The following AGMO variants were observed in gnomAD, a reference collection of about 807,000 sequenced individuals.
The protein encoded by AGMO is alkylglycerol monooxygenase, also known as glyceryl-ether monooxygenase.
AGMO carries 75 observed loss-of-function variants against 60.2 expected under a neutral mutation model. The observed-to-expected ratio is 1.25, with a 90% CI of 1.03 to 1.51. The LOEUF (loss-of-function observed/expected upper bound fraction) is 1.51. AGMO is among the 40% of genes most tolerant of loss of function. The pLI, the probability that AGMO is intolerant of heterozygous loss-of-function variation, is 0.00. For synonymous variants in AGMO, 261 were observed against 177.1 expected (o/e 1.47, Z -3.76); for missense variants, 763 against 525.5 (o/e 1.45, Z -4.42).
At chr7:15,195,847 T>C (rs550416894), downstream of AGMO, among the ~76,000 whole-genome samples, 3 of 152,342 alleles carry the variant, frequency 2.0e-5, no homozygotes, top group African/African-American at 7.2e-5. Context: ...CCATTATTAA[T>C]AATCTTCCAT....
At chr7:15,526,776 G>A (rs1163904946) in intron 3 of AGMO, among the ~76,000 whole-genome samples, 3 of 152,156 alleles carry the variant, frequency 2.0e-5, no homozygotes, top group African/African-American at 7.2e-5. Context: ...GCAACCTTGT[G>A]TCTAGCAATT....
intron 4 of AGMO, among the ~76,000 whole-genome samples, chr7:15,430,211 G>A (rs988604253): frequency 1.4e-4 from 21 of 151,894 alleles, no homozygotes; most frequent in African/African-American, 5.1e-4. Flanking sequence ...TTTGAACCAC[G>A]GAAATGTTTG....
chr7:15,185,528 G>A, the AGMO span, among the ~76,000 whole-genome samples: 1 of 152,288 alleles, frequency 6.6e-6, no homozygotes, highest in Non-Finnish European at 1.5e-5. Flanking sequence ...TATGGCCCTA[G>A]GATAAGTGGT....
Position 15,413,478 on chromosome 7 carries a change from A to G in AGMO, c.609+5080T>C, listed in dbSNP as rs573064723. Among the ~76,000 whole-genome samples, 8 of 152,334 alleles carry G rather than the reference A, an allele frequency of 5.3e-5. No homozygotes were observed. The South Asian group carries it at 1.7e-3, about 32-fold the overall frequency. The stretch of plus-strand genomic sequence containing the variant: ...TTTGATTTTCAAAGCACATACTTGT[A>G]AGCCCCAGATTAATGTTTTTTAAAT... On this transcript the variant is annotated intron_variant, in intron 5 of 12. Transcript: ENST00000342526.
chr7:15,322,601 T>A (rs1352170004), intron 12 of AGMO, among the ~76,000 whole-genome samples: 1 of 57,378 alleles, frequency 1.7e-5, no homozygotes, highest in African/African-American at 9.9e-5. Context: ...TAAATATATA[T>A]AAATATATAT....
intron 2 of AGMO, among the ~76,000 whole-genome samples, chr7:15,555,800 C>T (rs923453982): frequency 3.3e-5 from 5 of 151,838 alleles, no homozygotes; most frequent in African/African-American, 7.3e-5. Context: ...TCTGAAGTTA[C>T]GCAATTAATA....
At chr7:15,345,251 T>A (rs192709162) in intron 12 of AGMO, among the ~76,000 whole-genome samples, 1 of 152,328 alleles carries the variant, frequency 6.6e-6, no homozygotes, top group Non-Finnish European at 1.5e-5. Flanking sequence ...TTTCTAGTTT[T>A]TTTCTCTTGC....
At chr7:15,294,747 T>G (rs1049175580) in intron 12 of AGMO, among the ~76,000 whole-genome samples, 2 of 151,964 alleles carry the variant, frequency 1.3e-5, no homozygotes, top group African/African-American at 4.8e-5. Context: ...TATTAAAATA[T>G]TCTAAAGTGT....
intron 12 of AGMO, among the ~76,000 whole-genome samples, chr7:15,220,466 C>T (rs1744160104): frequency 6.6e-6 from 1 of 151,678 alleles, no homozygotes; most frequent in Non-Finnish European, 1.5e-5. Flanking sequence ...AATCCGCCCA[C>T]CTCGGCCTCC....
At chr7:15,299,303 G>A (rs1228702821) in intron 12 of AGMO, among the ~76,000 whole-genome samples, 2 of 151,956 alleles carry the variant, frequency 1.3e-5, no homozygotes, top group Non-Finnish European at 2.9e-5. Flanking sequence ...AAATATTTAG[G>A]TCTTTTTCTC....
chr7:15,337,743 C>A (rs1199391889), intron 12 of AGMO, among the ~76,000 whole-genome samples: 1 of 152,192 alleles, frequency 6.6e-6, no homozygotes. Context: ...AGTCTTTGTC[C>A]ACCTGCTTCT....
chr7:15,423,950 T>C (rs4499985), intron 4 of AGMO, among the ~76,000 whole-genome samples: 110,089 of 152,068 alleles, frequency 0.72, 40,509 homozygotes, highest in Middle Eastern at 0.82. Context: ...TACAGCAGCC[T>C]CAGGAAATTA....
chr7:15,348,324 A>G (rs992897314), intron 12 of AGMO, among the ~76,000 whole-genome samples: 1 of 152,082 alleles, frequency 6.6e-6, no homozygotes, highest in Non-Finnish European at 1.5e-5. Flanking sequence ...CATACTACTT[A>G]AAATGATCCT....
At chr7:15,279,067 A>T (rs1783885334) in intron 12 of AGMO, among the ~76,000 whole-genome samples, 1 of 151,980 alleles carries the variant, frequency 6.6e-6, no homozygotes, top group South Asian at 2.1e-4. Context: ...GGGAACAAAA[A>T]CCTGTGAGAT....
At chr7:15,194,464 T>G in the AGMO span, among the ~76,000 whole-genome samples, 1 of 152,204 alleles carries the variant, frequency 6.6e-6, no homozygotes, top group Non-Finnish European at 1.5e-5. Context: ...ATATGCCCTC[T>G]GCAGTTGCAT....
intron 5 of AGMO, 24 bp from the exon 6 acceptor site, chr7:15,394,203 T>C: frequency 6.7e-7 from 1 of 1,488,748 alleles, no homozygotes; most frequent in East Asian, 2.3e-5. Context: ...AAGGAATATT[T>C]ATACATGTAG....
rs560240331 is a variant in AGMO, at chr7:15,389,085, C to T, written c.823-1545G>A. 9.2e-5 allele frequency among the ~76,000 whole-genome samples: 14 copies of T among 152,232 alleles called. No homozygotes were observed. In the South Asian group the frequency reaches 2.1e-3, roughly 23 times the overall value. On this transcript the variant is annotated intron_variant, in intron 8 of 12. Coordinates refer to ENST00000342526, the MANE Select transcript of AGMO (RefSeq NM_001004320.2). Reference sequence around the variant, plus strand: ...CTCATTCTGTCTCAATTATAAATGCCGTTTTCCTCAGCAAGACTGTACACT... The same window carrying T: ...CTCATTCTGTCTCAATTATAAATGCTGTTTTCCTCAGCAAGACTGTACACT...
At chr7:15,229,138 G>A (rs1782175709) in intron 12 of AGMO, among the ~76,000 whole-genome samples, 1 of 151,996 alleles carries the variant, frequency 6.6e-6, no homozygotes. Context: ...GAAAACATCT[G>A]GGTCCCATTC....
chr7:15,327,543 T>G (rs1781377559), intron 12 of AGMO, among the ~76,000 whole-genome samples: 1 of 151,948 alleles, frequency 6.6e-6, no homozygotes, highest in Admixed American at 6.6e-5. Flanking sequence ...CCATAAATAT[T>G]AGACAACTGA....
Sources: allele counts gnomAD v4.1 joint callset (sites outside exome capture counted in the v4.1 genomes callset), GRCh38; gene constraint gnomAD v4.1.1; transcripts MANE v1.5; gene names NCBI Gene and HGNC (gene_info 2026-07-23, HGNC 2026-07-21).